MDGA2: variants seen among roughly 807,000 people sequenced by gnomAD.
The protein encoded by MDGA2 is MAM domain containing glycosylphosphatidylinositol anchor 2.
Under a neutral mutation model 117.8 loss-of-function variants are expected in MDGA2, and 40 were observed. That is an observed-to-expected ratio of 0.34 (90% CI 0.26 to 0.44). The LOEUF is 0.44. MDGA2 is among the 20% of genes least tolerant of loss of function. MDGA2 has a pLI of 1.00. For missense variants in MDGA2, 1,123 were observed against 1,250.6 expected, an observed-to-expected ratio of 0.90 and a Z score of 1.54; for synonymous variants, 452 against 439.0, an observed-to-expected ratio of 1.03 and a Z score of -0.37.
intron 1 of MDGA2, among the ~76,000 whole-genome samples, chr14:47,656,792 C>T (rs1006088493): frequency 6.6e-6 from 1 of 152,170 alleles, no homozygotes; most frequent in African/African-American, 2.4e-5. Flanking sequence ...TCCAATTCTA[C>T]AAGTCCTCCA....
intron 3 of MDGA2, among the ~76,000 whole-genome samples, chr14:47,148,860 T>C (rs1484121254): frequency 6.6e-6 from 1 of 152,210 alleles, no homozygotes; most frequent in Non-Finnish European, 1.5e-5. Flanking sequence ...CACCCATTTT[T>C]AATTTGTGTA....
At chr14:47,112,312 G>T (rs775449539) in intron 5 of MDGA2, among the ~76,000 whole-genome samples, 1 of 152,130 alleles carries the variant, frequency 6.6e-6, no homozygotes, top group Non-Finnish European at 1.5e-5. Context: ...GTAAACGTGT[G>T]CCATGGTGGT....
intron 15 of MDGA2, among the ~76,000 whole-genome samples, chr14:46,847,799 A>G (rs1430779261): frequency 6.6e-6 from 1 of 152,036 alleles, no homozygotes; most frequent in East Asian, 1.9e-4. Flanking sequence ...TACGTTTCAA[A>G]TAATTATTAT....
At chr14:47,183,885 T>G (rs1420889461) in intron 3 of MDGA2, among the ~76,000 whole-genome samples, 1 of 151,934 alleles carries the variant, frequency 6.6e-6, no homozygotes, top group Admixed American at 6.6e-5. Flanking sequence ...TTCCTCTACA[T>G]AGAAATCTCC....
At chr14:47,084,961 T>A (rs1479450256) in intron 6 of MDGA2, among the ~76,000 whole-genome samples, 1 of 152,028 alleles carries the variant, frequency 6.6e-6, no homozygotes, top group Non-Finnish European at 1.5e-5. Flanking sequence ...GAATCTAAAT[T>A]CTGATCAAAA....
chr14:47,469,334 T>C (rs1893670007), intron 1 of MDGA2, among the ~76,000 whole-genome samples: 1 of 152,098 alleles, frequency 6.6e-6, no homozygotes, highest in South Asian at 2.1e-4. Flanking sequence ...GGCCCTGGTG[T>C]GTGAGTTCCC....
At position 47,284,415 on chromosome 14, in the gene MDGA2, T is replaced by C. The variant is rs1236750220; in HGVS notation, c.420+16996A>G. On this transcript the variant is annotated intron_variant, in intron 2 of 16. Transcript: ENST00000399232. ...ACTTGTGGGTGGACAGCTTGGCAAG[T>C]AGTACCTATTTGAGAACTGTGTGAG... 2.0e-5 allele frequency among the ~76,000 whole-genome samples: 3 copies of C among 152,160 alleles called. 1 individual carries two copies. Among genetic ancestry groups the C allele is most frequent in the Non-Finnish European group, 4.4e-5 (3 of 68,020 alleles).
At chr14:46,934,585 T>C (rs1884710367) in intron 9 of MDGA2, among the ~76,000 whole-genome samples, 2 of 152,120 alleles carry the variant, frequency 1.3e-5, no homozygotes, top group African/African-American at 4.8e-5. Context: ...ATGGATATTT[T>C]GTCAGAAGGA....
intron 8 of MDGA2, among the ~76,000 whole-genome samples, chr14:47,007,240 G>T (rs1467466586): frequency 6.6e-6 from 1 of 151,704 alleles, no homozygotes; most frequent in South Asian, 2.1e-4. Context: ...GTTATGTATT[G>T]AACAAGCAGA....
intron 1 of MDGA2, among the ~76,000 whole-genome samples, chr14:47,631,030 G>A (rs920604450): frequency 5.9e-5 from 9 of 152,078 alleles, no homozygotes; most frequent in Admixed American, 1.3e-4. Context: ...TTTTTCCTCT[G>A]AAAAGATAGG....
intron 2 of MDGA2, among the ~76,000 whole-genome samples, chr14:47,239,805 C>T (rs1210584451): frequency 1.3e-5 from 2 of 151,846 alleles, no homozygotes; most frequent in Non-Finnish European, 2.9e-5. Context: ...TCCACATACA[C>T]AAATGTTATT....
chr14:46,874,114 T>C lies in MDGA2; in HGVS notation c.2524A>G (p.Thr842Ala). Residue 842 changes from threonine (T) to alanine (A), a missense_variant, in exon 13 of 17, where the codon ACA (threonine) becomes GCA (alanine). Thr to Ala is a moderately conservative substitution (Grantham distance 58). Transcript: ENST00000399232. Reference sequence around the variant, plus strand: ...GTATATTTTGTATTTCTTGTTGCTGTACTTTGCTTTGTCCAGTCAAAATTA... The same window carrying C: ...GTATATTTTGTATTTCTTGTTGCTGCACTTTGCTTTGTCCAGTCAAAATTA... The part of the protein sequence containing the change: ...TDNFDWTKQS[T>A]ATRNTKYTPN... The C allele has an allele frequency of 6.4e-7, 1 of 1,555,766 alleles. No homozygotes were observed. Among genetic ancestry groups the C allele is most frequent in the Non-Finnish European group, 8.7e-7 (1 of 1,152,554 alleles).
At chr14:47,146,499 G>A (rs1327987819) in intron 3 of MDGA2, among the ~76,000 whole-genome samples, 1 of 152,096 alleles carries the variant, frequency 6.6e-6, no homozygotes, top group Non-Finnish European at 1.5e-5. Context: ...AAAATGTTTT[G>A]AGATTTTTAA....
At chr14:47,031,738 T>C (rs570865544) in intron 8 of MDGA2, among the ~76,000 whole-genome samples, 1 of 152,270 alleles carries the variant, frequency 6.6e-6, no homozygotes, top group Non-Finnish European at 1.5e-5. Context: ...GGCACTGCCA[T>C]TGCGATAGGA....
At chr14:47,098,793 A>G (rs1238796850) in intron 5 of MDGA2, among the ~76,000 whole-genome samples, 1 of 151,984 alleles carries the variant, frequency 6.6e-6, no homozygotes, top group African/African-American at 2.4e-5. Context: ...CCCAAGGCCT[A>G]AAGGCCATTA....
chr14:47,543,308 G>T (rs1371679541), intron 1 of MDGA2, among the ~76,000 whole-genome samples: 3 of 152,090 alleles, frequency 2.0e-5, no homozygotes, highest in Non-Finnish European at 4.4e-5. Flanking sequence ...ATGGGAAGTA[G>T]AAAAATATTT....
intron 1 of MDGA2, among the ~76,000 whole-genome samples, chr14:47,306,844 A>G (rs1158248632): frequency 1.1e-4 from 5 of 45,182 alleles, no homozygotes; most frequent in African/African-American, 1.6e-4. Context: ...AGAAAGAGGG[A>G]GAGAGAGAGA....
At chr14:47,188,034 AT>A (rs1313126418) in intron 3 of MDGA2, among the ~76,000 whole-genome samples, 1 of 152,026 alleles carries the variant, frequency 6.6e-6, no homozygotes, top group African/African-American at 2.4e-5. Context: ...AAAGGAAAAG[AT>A]ATTTTCCCAT....
At chr14:46,888,748 C>T (rs1882764322) in intron 10 of MDGA2, among the ~76,000 whole-genome samples, 1 of 150,710 alleles carries the variant, frequency 6.6e-6, no homozygotes, top group Non-Finnish European at 1.5e-5. Flanking sequence ...TCTTTTTAAC[C>T]ACTATAATGA....
Sources: allele counts gnomAD v4.1 joint callset (sites outside exome capture counted in the v4.1 genomes callset), GRCh38; gene constraint gnomAD v4.1.1; transcripts MANE v1.5; gene names NCBI Gene and HGNC (gene_info 2026-07-23, HGNC 2026-07-21).